HEG1: variants seen among roughly 807,000 people sequenced by gnomAD.
HEG1 encodes the protein heart development protein with EGF like domains 1, also known as protein HEG homolog 1.
HEG1 carries 56 observed loss-of-function variants against 125.6 expected under a neutral mutation model. That is an observed-to-expected ratio of 0.45 (90% confidence interval 0.36 to 0.56). The LOEUF is 0.56. HEG1 is among the 20% of genes least tolerant of loss of function. The probability of loss-of-function intolerance (pLI) is 0.00; values close to 1 mark genes in which losing one functional copy is unlikely to be tolerated. For synonymous variants in HEG1, 644 were observed against 668.5 expected, an observed-to-expected ratio of 0.96 and a Z score of 0.57; for missense variants, 1,523 against 1,670.0, an observed-to-expected ratio of 0.91 and a Z score of 1.53.
intron 8 of HEG1, among the ~76,000 whole-genome samples, chr3:125,008,080 G>A (rs1045723931): frequency 6.6e-6 from 1 of 152,076 alleles, no homozygotes; most frequent in South Asian, 2.1e-4. Flanking sequence ...TGGCTAATTT[G>A]TGTAATTTTA....
rs757895529 is a variant in HEG1, at chr3:125,027,374, C to T, written c.744G>A (p.Val248=). 16 of 1,614,000 alleles carry T rather than the reference C, an allele frequency of 9.9e-6. No homozygotes were observed. The South Asian group carries it at 1.8e-4, about 18-fold the overall frequency. The change falls in exon 3 of 17, where the codon GTG becomes GTA. Residue 248 remains valine, a synonymous_variant. Transcript: ENST00000311127. The part of the protein sequence containing the change: ...RAMGLSEEWT[V]HSQEATTSAW... ...CCGAAGTGGTGGCCTCTTGGCTGTG[C>T]ACAGTCCATTCTTCTGACAGCCCCA...
chr3:124,997,685 C>A lies in HEG1; in HGVS notation c.3652+4G>T. 1.3e-6 allele frequency: 2 copies of A among 1,564,678 alleles called. No individual in the cohort carries two copies. ...CACAGAACCCCAGGCGAAGCTGTGG[C>A]TACCTCGGCAGGAGTGGTCCATCTT... On this transcript the variant is annotated splice_donor_region_variant and intron_variant, in intron 12 of 16. Transcript: ENST00000311127.
At chr3:125,000,794 T>C (rs1401121042) in intron 11 of HEG1, among the ~76,000 whole-genome samples, 1 of 152,214 alleles carries the variant, frequency 6.6e-6, no homozygotes, top group Non-Finnish European at 1.5e-5. Context: ...AGCAGACTGT[T>C]ACAACCTGAT....
intron 15 of HEG1, among the ~76,000 whole-genome samples, chr3:124,977,002 G>A (rs567668886): frequency 2.6e-5 from 4 of 152,258 alleles, no homozygotes; most frequent in South Asian, 2.1e-4. Flanking sequence ...GAATTCCCAC[G>A]TGTTGTGGGA....
intron 1 of HEG1, among the ~76,000 whole-genome samples, chr3:125,035,157 G>A (rs1010975731): frequency 6.6e-6 from 1 of 151,950 alleles, no homozygotes; most frequent in Non-Finnish European, 1.5e-5. Flanking sequence ...GTAGAGATGG[G>A]GTTTCACCCT....
In HEG1 at chr3:125,038,314, C is replaced by T. The variant is rs116113353; in HGVS notation, c.317-8826G>A. Among the ~76,000 whole-genome samples, 565 of 152,316 alleles carry T rather than the reference C, an allele frequency of 3.7e-3. 5 individuals carry two copies. Among genetic ancestry groups the T allele is most frequent in the African/African-American group, 0.013 (530 of 41,566 alleles). ...TATAGGGAGAGCTTAGGACGCACAGCGTGAGACCTGGGACCACCTCCAGCA... is the reference window on the plus strand; with the variant it reads ...TATAGGGAGAGCTTAGGACGCACAGTGTGAGACCTGGGACCACCTCCAGCA... On this transcript the variant is annotated intron_variant, in intron 1 of 16. Coordinates refer to ENST00000311127, the MANE Select transcript of HEG1 (RefSeq NM_020733.2).
rs751588021 is a variant in HEG1 at position 125,012,611 on chromosome 3, A to G, written c.2956+12T>C. ...CTTGCAGTTAACATGTGCTTGTGTGACTGTGTTTTACCTGAGGCTGAAGAG... is the reference window on the plus strand; with the variant it reads ...CTTGCAGTTAACATGTGCTTGTGTGGCTGTGTTTTACCTGAGGCTGAAGAG... On this transcript the variant is annotated intron_variant, in intron 6 of 16. Transcript: ENST00000311127. 15 of 1,607,474 alleles carry G rather than the reference A, an allele frequency of 9.3e-6. No homozygotes were observed. The highest frequency in any genetic ancestry group is 1.3e-5 in the Non-Finnish European group (15 of 1,176,390).
At chr3:124,975,634 C>G (rs7620483) in intron 15 of HEG1, among the ~76,000 whole-genome samples, 53,748 of 152,088 alleles carry the variant, frequency 0.35, 10,396 homozygotes, top group African/African-American at 0.51. Flanking sequence ...GTTTCATCAC[C>G]CCAAGAAGAA....
chr3:124,976,440 G>A (rs937423665), intron 15 of HEG1, among the ~76,000 whole-genome samples: 28 of 151,646 alleles, frequency 1.8e-4, no homozygotes, highest in African/African-American at 3.6e-4. Flanking sequence ...CACTCGCCTC[G>A]AACTCCCAAA....
chr3:125,022,677 T>C (rs1191800197), intron 3 of HEG1, among the ~76,000 whole-genome samples: 1 of 138,646 alleles, frequency 7.2e-6, no homozygotes, highest in Admixed American at 7.5e-5. Flanking sequence ...AAAACACACT[T>C]CAGTATTAAA....
intron 3 of HEG1, among the ~76,000 whole-genome samples, chr3:125,022,396 C>A (rs867279718): frequency 7.0e-5 from 10 of 142,710 alleles, no homozygotes; most frequent in East Asian, 2.1e-4. Flanking sequence ...ATCACTACAG[C>A]GAGAGAGAGA....
chr3:125,043,153 A>C (rs1173499744), intron 1 of HEG1, among the ~76,000 whole-genome samples: 2 of 152,218 alleles, frequency 1.3e-5, no homozygotes, highest in Non-Finnish European at 2.9e-5. Flanking sequence ...AGCGATGAAG[A>C]AAGTAAAATC....
At chr3:125,015,011 G>A (rs1937224719) in intron 5 of HEG1, 4 of 1,235,238 alleles carry the variant, frequency 3.2e-6, no homozygotes, top group Non-Finnish European at 4.2e-6. Flanking sequence ...TGTCTTCCAA[G>A]GCTAAAAGTA....
rs570839325 is a variant in HEG1 at position 124,967,652 on chromosome 3, G to A, written c.*3000C>T. ...GGGCTACAGTGGGCAGAGTAGCTGG[G>A]GGAGTCAGGCAGACAAGGGTTTCAG... On this transcript the variant is annotated 3_prime_UTR_variant, in exon 17 of 17. Transcript: ENST00000311127. 2.0e-5 allele frequency: 3 copies of A among 152,290 alleles called. No homozygotes were observed. Among genetic ancestry groups the A allele is most frequent in the South Asian group, 4.2e-4 (2 of 4,808 alleles). The allele number at this position is 152,290 out of a possible 1,614,324, so 9.4% of individuals were successfully genotyped here.
intron 2 of HEG1, 21 bp from the exon 3 acceptor site, chr3:125,027,528 T>C (rs1461792526): frequency 9.6e-6 from 15 of 1,567,190 alleles, no homozygotes; most frequent in Non-Finnish European, 1.3e-5. Context: ...ACAAAAACAA[T>C]TAGAATTCCA....
At chr3:125,010,103 T>C (rs551265723) in intron 7 of HEG1, among the ~76,000 whole-genome samples, 8 of 152,270 alleles carry the variant, frequency 5.3e-5, no homozygotes, top group African/African-American at 1.7e-4. Flanking sequence ...TCACATAACA[T>C]CTGGACTACA....
rs373195927 is a variant in HEG1, at chr3:125,029,271, T to C, written c.534A>G (p.Arg178=). Residue 178 remains arginine, a synonymous_variant, in exon 2 of 17, where the codon AGA becomes AGG. Transcript: ENST00000311127. ...CAACAGGCAAAATGGTGAAGTTTGT[T>C]CTACTTGAAGAGCCGCTCCTTCCTC... is the stretch of plus-strand genomic sequence containing the variant. ...DARGRSGSSS[R]TNFTILPVGY... 1.2e-6 allele frequency: 2 copies of C among 1,613,772 alleles called. No homozygotes were observed. The highest frequency in any genetic ancestry group is 2.2e-5 in the South Asian group (2 of 91,018).
chr3:125,014,992 G>A (rs753626785), intron 5 of HEG1: 12 of 1,254,022 alleles, frequency 9.6e-6, no homozygotes, highest in Non-Finnish European at 1.2e-5. Context: ...GCTTGGCCTG[G>A]CTCTCGGCTG....
chr3:125,054,621 C>A (rs1463769513), intron 1 of HEG1, among the ~76,000 whole-genome samples: 3 of 152,204 alleles, frequency 2.0e-5, no homozygotes, highest in Non-Finnish European at 4.4e-5. Flanking sequence ...ATAGCCCGGA[C>A]AGAGCATATG....
Sources: gnomAD v4.1 joint callset for allele counts (sites outside exome capture counted in the v4.1 genomes callset) on GRCh38, gnomAD v4.1.1 for gene constraint, MANE v1.5 for transcripts, NCBI Gene and HGNC (gene_info 2026-07-23, HGNC 2026-07-21) for gene names.